Variants in DOK6 observed in about 807,000 individuals in gnomAD.
DOK6 encodes downstream of tyrosine kinase 6.
Under a neutral mutation model 44.0 loss-of-function variants are expected in DOK6, and 22 were observed. The ratio of observed to expected loss-of-function variants is 0.50; its 90% CI spans 0.36 to 0.71. The LOEUF is 0.71. Ranked by LOEUF, DOK6 falls within the 30% of genes least tolerant of loss-of-function variation. DOK6 has a pLI of 0.00. For missense variants in DOK6, 340 were observed against 416.4 expected, an observed-to-expected ratio of 0.82 and a Z score of 1.60; for synonymous variants, 166 against 145.5, an observed-to-expected ratio of 1.14 and a Z score of -1.01.
intron 7 of DOK6, among the ~76,000 whole-genome samples, chr18:69,761,408 TGTGTTGGGAG>T (rs1306498457): frequency 1.2e-4 from 19 of 152,116 alleles, no homozygotes; most frequent in Admixed American, 9.2e-4. Flanking sequence ...ACTGCTGGTG[TGTGTTGGGAG>T]TGGGGCTTCT....
chr18:69,583,542 A>G (rs1232370777), intron 2 of DOK6, among the ~76,000 whole-genome samples: 1 of 152,140 alleles, frequency 6.6e-6, no homozygotes, highest in Admixed American at 6.5e-5. Context: ...AAATCTGAAA[A>G]TTTGATATGC....
chr18:69,530,335 CT>C (rs1483509122), intron 1 of DOK6, among the ~76,000 whole-genome samples: 2 of 152,098 alleles, frequency 1.3e-5, no homozygotes, highest in African/African-American at 4.8e-5. Flanking sequence ...AGCAAAAACA[CT>C]TTGTATGCCC....
At chr18:69,533,791 G>A (rs1191038707) in intron 1 of DOK6, among the ~76,000 whole-genome samples, 1 of 151,742 alleles carries the variant, frequency 6.6e-6, no homozygotes, top group Non-Finnish European at 1.5e-5. Flanking sequence ...AAATGATTTG[G>A]TTTTTATTCT....
chr18:69,406,113 A>G (rs1489578254), intron 1 of DOK6, among the ~76,000 whole-genome samples: 4 of 152,188 alleles, frequency 2.6e-5, no homozygotes, highest in Non-Finnish European at 5.9e-5. Context: ...CATATTCCTT[A>G]CGCTGTGTGT....
At chr18:69,762,882 T>C (rs1218594559) in intron 7 of DOK6, among the ~76,000 whole-genome samples, 1 of 152,224 alleles carries the variant, frequency 6.6e-6, no homozygotes, top group Non-Finnish European at 1.5e-5. Context: ...TCTACCTTCA[T>C]CTTTGGAGAA....
chr18:69,722,825 T>G (rs1237152451), intron 5 of DOK6, among the ~76,000 whole-genome samples: 2 of 152,170 alleles, frequency 1.3e-5, no homozygotes, highest in Non-Finnish European at 1.5e-5. Context: ...CCCAGGATCC[T>G]GAGGGAATAG....
At chr18:69,725,878 G>A (rs942438207) in intron 5 of DOK6, among the ~76,000 whole-genome samples, 14 of 152,150 alleles carry the variant, frequency 9.2e-5, no homozygotes, top group East Asian at 3.9e-4. Flanking sequence ...CAGGCAAAAC[G>A]GAATGGAGAG....
intron 7 of DOK6, among the ~76,000 whole-genome samples, chr18:69,767,010 T>A (rs1599314374): frequency 6.6e-6 from 1 of 152,252 alleles, no homozygotes; most frequent in East Asian, 1.9e-4. Flanking sequence ...GCAGATCACT[T>A]GAGGCCTAGA....
At chr18:69,547,614 C>T (rs1301302433) in intron 1 of DOK6, among the ~76,000 whole-genome samples, 1 of 151,424 alleles carries the variant, frequency 6.6e-6, no homozygotes, top group African/African-American at 2.4e-5. Flanking sequence ...TAACTACAGT[C>T]ACCCTACTCT....
intron 6 of DOK6, among the ~76,000 whole-genome samples, chr18:69,740,686 A>G (rs890041155): frequency 6.6e-6 from 1 of 152,150 alleles, no homozygotes; most frequent in Non-Finnish European, 1.5e-5. Flanking sequence ...GTTTTCCTTT[A>G]TCTGTAACAA....
At chr18:69,495,413 A>T (rs764435904) in intron 1 of DOK6, among the ~76,000 whole-genome samples, 3 of 152,182 alleles carry the variant, frequency 2.0e-5, no homozygotes, top group Non-Finnish European at 4.4e-5. Context: ...GAGGGTGAGC[A>T]AGGTGAAGAG....
intron 1 of DOK6, among the ~76,000 whole-genome samples, chr18:69,430,711 A>T (rs986504077): frequency 6.6e-6 from 1 of 152,170 alleles, no homozygotes; most frequent in East Asian, 1.9e-4. Flanking sequence ...TCATGCCTAT[A>T]ATCCCAGCAC....
intron 4 of DOK6, among the ~76,000 whole-genome samples, chr18:69,678,295 A>T (rs1006674236): frequency 6.6e-6 from 1 of 152,120 alleles, no homozygotes; most frequent in Non-Finnish European, 1.5e-5. Flanking sequence ...TTATTAAGGG[A>T]CTTTCCCACA....
chr18:69,681,058 G>A (rs539488339), intron 4 of DOK6, among the ~76,000 whole-genome samples: 87 of 152,250 alleles, frequency 5.7e-4, no homozygotes, highest in Non-Finnish European at 1.0e-3. Flanking sequence ...GAATTAGCAC[G>A]ATAGATTGTT....
At chr18:69,534,425 T>C (rs921329752) in intron 1 of DOK6, among the ~76,000 whole-genome samples, 13 of 152,172 alleles carry the variant, frequency 8.5e-5, no homozygotes, top group African/African-American at 3.1e-4. Flanking sequence ...TTTAGATATA[T>C]AATTGTTTCC....
intron 3 of DOK6, among the ~76,000 whole-genome samples, chr18:69,636,981 A>G (rs1984824178): frequency 6.6e-6 from 1 of 152,210 alleles, no homozygotes. Flanking sequence ...GATTGTGTAC[A>G]TAGATGCCTT....
chr18:69,440,592 T>C (rs1375513421), intron 1 of DOK6, among the ~76,000 whole-genome samples: 3 of 152,166 alleles, frequency 2.0e-5, no homozygotes, highest in Non-Finnish European at 4.4e-5. Flanking sequence ...CCCAAGTATA[T>C]TTCTTGGGTT....
At chr18:69,751,160 A>G (rs1321420630) in intron 6 of DOK6, among the ~76,000 whole-genome samples, 1 of 152,304 alleles carries the variant, frequency 6.6e-6, no homozygotes, top group Middle Eastern at 3.4e-3. Context: ...CAGGAAGAGT[A>G]TGTTTTATTT....
chr18:69,606,689 A>C (rs948462108), intron 3 of DOK6, among the ~76,000 whole-genome samples: 6 of 151,792 alleles, frequency 4.0e-5, no homozygotes, highest in Non-Finnish European at 7.4e-5. Context: ...GTGAAGATGC[A>C]GGATACGAGA....
Sources: allele counts gnomAD v4.1 joint callset (sites outside exome capture counted in the v4.1 genomes callset), GRCh38; gene constraint gnomAD v4.1.1; transcripts MANE v1.5; gene names NCBI Gene and HGNC (gene_info 2026-07-23, HGNC 2026-07-21).